ADIPOQ: variants seen among roughly 807,000 people sequenced by gnomAD.
ADIPOQ encodes adiponectin, C1Q and collagen domain containing.
In ADIPOQ, 19 loss-of-function variants were observed where a neutral mutation model predicts 16.1. That is an observed-to-expected ratio of 1.18 (90% CI 0.82 to 1.73). ADIPOQ has a LOEUF of 1.73. Ranked by LOEUF, ADIPOQ falls within the 40% of genes most tolerant of loss-of-function variation. The pLI is 0.00. For synonymous variants in ADIPOQ, 124 were observed against 125.5 expected, an observed-to-expected ratio of 0.99 and a Z score of 0.08; for missense variants, 323 against 308.3, an observed-to-expected ratio of 1.05 and a Z score of -0.36.
chr3:186,857,812 G>A lies in ADIPOQ; in HGVS notation c.*3108G>A, dbSNP rs891783508. The A allele has an allele frequency of 6.6e-6, 1 of 152,076 alleles. No homozygotes were observed. Among genetic ancestry groups the A allele is most frequent in the Non-Finnish European group, 1.5e-5 (1 of 68,028 alleles). The allele number at this position is 152,076 out of a possible 1,614,324, so 9.4% of individuals were successfully genotyped here. On this transcript the variant is annotated 3_prime_UTR_variant, in exon 3 of 3. Transcript: ENST00000320741. The stretch of plus-strand genomic sequence containing the variant: ...GGTGCATTTACTCTCTTATCATTAT[G>A]TAATGTCCTTCTTTATCTGTGATAA...
At chr3:186,853,988 T>G in intron 2 of ADIPOQ, 196 bp from the exon 3 acceptor site, 1 of 597,016 alleles carries the variant, frequency 1.7e-6, no homozygotes. Context: ...GAGTTGAAAT[T>G]ATGGGAGCCT....
chr3:186,846,936 C>G (rs980612653), intron 1 of ADIPOQ, among the ~76,000 whole-genome samples: 5 of 152,314 alleles, frequency 3.3e-5, no homozygotes, highest in African/African-American at 1.2e-4. Context: ...GACCACGATA[C>G]TTTTCTCCTC....
intron 1 of ADIPOQ, chr3:186,852,761 G>C: frequency 2.5e-6 from 1 of 402,696 alleles, no homozygotes; most frequent in Non-Finnish European, 4.6e-6. Flanking sequence ...CCTGTGCTCA[G>C]ACATGGGAAA....
intron 1 of ADIPOQ, among the ~76,000 whole-genome samples, chr3:186,847,206 A>G (rs1711601255): frequency 6.6e-6 from 1 of 152,248 alleles, no homozygotes; most frequent in Non-Finnish European, 1.5e-5. Flanking sequence ...AGGTCAGAAC[A>G]AATGATTTGT....
At chr3:186,853,462 G>T (rs1043474340) in intron 2 of ADIPOQ, among the ~76,000 whole-genome samples, 190 bp downstream of exon 2, 2 of 151,834 alleles carry the variant, frequency 1.3e-5, no homozygotes, top group Non-Finnish European at 2.9e-5. Context: ...CTATAACCAA[G>T]ACTTTGGCTT....
At chr3:186,843,477 T>C (rs568027847) in intron 1 of ADIPOQ, among the ~76,000 whole-genome samples, 155 of 151,478 alleles carry the variant, frequency 1.0e-3, no homozygotes, top group African/African-American at 3.5e-3. Context: ...CTGACCAACA[T>C]GGTGAAACCC....
chr3:186,853,001 G>A, intron 1 of ADIPOQ, 50 bp from the exon 2 acceptor site: 1 of 1,592,156 alleles, frequency 6.3e-7, no homozygotes, highest in South Asian at 1.1e-5. Flanking sequence ...AACTGGGTGT[G>A]TGTGTGGGGT....
At chr3:186,847,321 T>C (rs1229368643) in intron 1 of ADIPOQ, among the ~76,000 whole-genome samples, 1 of 152,254 alleles carries the variant, frequency 6.6e-6, no homozygotes, top group Non-Finnish European at 1.5e-5. Flanking sequence ...AAAAGGGTTT[T>C]ATAAATAGCA....
chr3:186,847,163 T>C (rs1339114764), intron 1 of ADIPOQ, among the ~76,000 whole-genome samples: 1 of 152,218 alleles, frequency 6.6e-6, no homozygotes, highest in Admixed American at 6.5e-5. Context: ...CACCATTTGA[T>C]CTTCCAACAA....
At position 186,855,665 on chromosome 3, in the gene ADIPOQ, G is replaced by A. The variant is rs1472099722; in HGVS notation, c.*961G>A. The A allele has an allele frequency of 6.6e-6, 1 of 152,194 alleles. No homozygotes were observed. The allele number at this position is 152,194 out of a possible 1,614,324, so 9.4% of individuals were successfully genotyped here. A position where few individuals can be genotyped will look rare whatever the true frequency, so the allele number is the denominator to read the frequency against. On this transcript the variant is annotated 3_prime_UTR_variant, in exon 3 of 3. Coordinates refer to ENST00000320741, the MANE Select transcript of ADIPOQ (RefSeq NM_004797.4). Reference sequence around the variant, plus strand: ...AAATGGGGTTTCGTCATGTTGGCCAGGCTGGTCTCGAACTCCTGGCCTAGG... The same window carrying A: ...AAATGGGGTTTCGTCATGTTGGCCAAGCTGGTCTCGAACTCCTGGCCTAGG...
chr3:186,853,609 G>A (rs914114758), intron 2 of ADIPOQ, among the ~76,000 whole-genome samples: 1 of 152,026 alleles, frequency 6.6e-6, no homozygotes, highest in Non-Finnish European at 1.5e-5. Context: ...CACATTTACT[G>A]CACACCCCCT....
At chr3:186,843,673 A>G (rs1053418569) in intron 1 of ADIPOQ, among the ~76,000 whole-genome samples, 2 of 151,496 alleles carry the variant, frequency 1.3e-5, no homozygotes, top group South Asian at 2.1e-4. Flanking sequence ...AAAAAAAAAA[A>G]AAAGAAAGAA....
intron 1 of ADIPOQ, among the ~76,000 whole-genome samples, chr3:186,843,809 A>G (rs1416561174): frequency 6.6e-6 from 1 of 152,122 alleles, no homozygotes; most frequent in Non-Finnish European, 1.5e-5. Context: ...GTTTTTCTGA[A>G]GCCTAATCCT....
intron 2 of ADIPOQ, chr3:186,853,801 G>C (rs578173940): frequency 4.3e-6 from 1 of 234,130 alleles, no homozygotes; most frequent in East Asian, 9.3e-5. Context: ...AAGAATGAAG[G>C]CTTCAAGGAG....
Position 186,856,880 on chromosome 3 carries a change from A to T in ADIPOQ, c.*2176A>T, listed in dbSNP as rs200080545. ...AAATAAAGGAAAAATGGAAACATTT[A>T]TTCCTTTGCATAATAGAAATTACCA... is the stretch of plus-strand genomic sequence containing the variant. On this transcript the variant is annotated 3_prime_UTR_variant, in exon 3 of 3. Coordinates refer to ENST00000320741, the MANE Select transcript of ADIPOQ (RefSeq NM_004797.4). 1 of 152,218 alleles carries T rather than the reference A, an allele frequency of 6.6e-6. No individual in the cohort carries two copies. The highest frequency in any genetic ancestry group is 2.4e-5 in the African/African-American group (1 of 41,466). The allele number at this position is 152,218 out of a possible 1,614,324, so 9.4% of individuals were successfully genotyped here.
chr3:186,855,885 A>G lies in ADIPOQ; in HGVS notation c.*1181A>G, dbSNP rs1032913397. On this transcript the variant is annotated 3_prime_UTR_variant, in exon 3 of 3. Transcript: ENST00000320741. The stretch of plus-strand genomic sequence containing the variant: ...TAAATCCCTTGCAGATCCTTGATAA[A>G]TGCCTCATGAAGACCAATCTCTTGA... 6.6e-6 allele frequency: 1 copy of G among 152,290 alleles called. No homozygotes were observed. Among genetic ancestry groups the G allele is most frequent in the African/African-American group, 2.4e-5 (1 of 41,460 alleles). The allele number at this position is 152,290 out of a possible 1,614,324, so 9.4% of individuals were successfully genotyped here.
Position 186,855,002 on chromosome 3 carries a change from G to C in ADIPOQ, c.*298G>C, listed in dbSNP as rs1042210263. 6.9e-6 allele frequency: 3 copies of C among 433,976 alleles called. No homozygotes were observed. Among genetic ancestry groups the C allele is most frequent in the Non-Finnish European group, 1.3e-5 (3 of 235,146 alleles). 26.9% of individuals were successfully genotyped at this position (433,976 alleles called of 1,614,324 possible). A position where few individuals can be genotyped will look rare whatever the true frequency, so the allele number is the denominator to read the frequency against. On this transcript the variant is annotated 3_prime_UTR_variant, in exon 3 of 3. Transcript: ENST00000320741. The stretch of plus-strand genomic sequence containing the variant: ...CTCATATCAATCCTATAAGGCACAG[G>C]GAACAAGCATTCTCCTGTTTTTACA...
rs138042436 is a variant in ADIPOQ, at chr3:186,855,364, C to T, written c.*660C>T. On this transcript the variant is annotated 3_prime_UTR_variant, in exon 3 of 3. Coordinates refer to ENST00000320741, the MANE Select transcript of ADIPOQ (RefSeq NM_004797.4). Reference sequence around the variant, plus strand: ...ACCTATGTCCCTTCTCATGCCTTTCCCTCCAACGGGGAAAGCCAACTCCAT... The same window carrying T: ...ACCTATGTCCCTTCTCATGCCTTTCTCTCCAACGGGGAAAGCCAACTCCAT... The T allele has an allele frequency of 7.1e-5, 11 of 153,946 alleles. 1 individual carries two copies. The highest frequency in any genetic ancestry group is 3.2e-4 in the Admixed American group (5 of 15,522). 9.5% of individuals were successfully genotyped at this position (153,946 alleles called of 1,614,324 possible). A position where few individuals can be genotyped will look rare whatever the true frequency, so the allele number is the denominator to read the frequency against.
Position 186,853,039 on chromosome 3 carries a change from T to A in ADIPOQ, c.-8-12T>A. Reference sequence around the variant, plus strand: ...GTCTCTCCATGGCTGACAGTGCACATGTGGATTCCAGGGCTCAGGATGCTG... The same window carrying A: ...GTCTCTCCATGGCTGACAGTGCACAAGTGGATTCCAGGGCTCAGGATGCTG... On this transcript the variant is annotated splice_polypyrimidine_tract_variant and intron_variant, in intron 1 of 2. Transcript: ENST00000320741. 1 of 1,614,130 alleles carries A rather than the reference T, an allele frequency of 6.2e-7. No homozygotes were observed. The highest frequency in any genetic ancestry group is 1.7e-5 in the Admixed American group (1 of 60,034).
Sources: gnomAD v4.1 joint callset for allele counts (sites outside exome capture counted in the v4.1 genomes callset) on GRCh38, gnomAD v4.1.1 for gene constraint, MANE v1.5 for transcripts, NCBI Gene and HGNC (gene_info 2026-07-23, HGNC 2026-07-21) for gene names.